The following TFDP1 variants were observed in gnomAD, a reference collection of about 807,000 sequenced individuals.
TFDP1 encodes the protein transcription factor Dp-1.
Under a neutral mutation model 48.0 loss-of-function variants are expected in TFDP1, and 6 were observed. The ratio of observed to expected loss-of-function variants is 0.13; its 90% CI spans 0.07 to 0.25. The LOEUF is 0.25. TFDP1 is among the 10% of genes least tolerant of loss of function. TFDP1 has a pLI of 1.00. For missense variants in TFDP1, 335 were observed against 543.0 expected (o/e 0.62, Z 3.81); for synonymous variants, 201 against 211.6 (o/e 0.95, Z 0.44).
chr13:113,591,968 T>C (rs1392372321), intron 2 of TFDP1, among the ~76,000 whole-genome samples: 1 of 152,198 alleles, frequency 6.6e-6, no homozygotes, highest in Non-Finnish European at 1.5e-5. Context: ...CTTTGTACCT[T>C]TTTCCCGACT....
At chr13:113,621,850 T>C (rs990979926) in intron 3 of TFDP1, among the ~76,000 whole-genome samples, 15 of 152,222 alleles carry the variant, frequency 9.9e-5, no homozygotes, top group African/African-American at 3.6e-4. Context: ...TGAGTCAGGC[T>C]CGCCTGCAGT....
At chr13:113,611,928 C>A (rs1033358349) in intron 3 of TFDP1, among the ~76,000 whole-genome samples, 1 of 152,124 alleles carries the variant, frequency 6.6e-6, no homozygotes, top group Non-Finnish European at 1.5e-5. Flanking sequence ...TCCACGTGGT[C>A]GCATCAGCCC....
At position 113,636,583 on chromosome 13, in the gene TFDP1, A is replaced by T. The variant is rs759767245; in HGVS notation, c.889A>T (p.Ile297Leu). 6.2e-7 allele frequency: 1 copy of T among 1,614,210 alleles called. No homozygotes were observed. The highest frequency in any genetic ancestry group is 8.5e-7 in the Non-Finnish European group (1 of 1,180,042). Reference sequence around the variant, plus strand: ...CAACACATTTGAAATCCACGATGACATAGAAGTGCTGAAGCGGATGGGCAT... The same window carrying T: ...CAACACATTTGAAATCCACGATGACTTAGAAGTGCTGAAGCGGATGGGCAT... ...FDNTFEIHDD[I>L]EVLKRMGMAC... Residue 297 changes from isoleucine (I) to leucine (L), a missense_variant, in exon 10 of 12, where the codon ATA becomes TTA. Transcript: ENST00000375370.
In TFDP1 at chr13:113,599,613, C is replaced by G. The variant is rs558698982; in HGVS notation, c.13-11383C>G. Among the ~76,000 whole-genome samples the G allele has an allele frequency of 5.3e-5, 8 of 152,242 alleles. No homozygotes were observed. In the East Asian group the frequency reaches 1.2e-3, roughly 22 times the overall value. ...GAGTGAGGGCACGCGGGTGTAGTCC[C>G]CCCTGCCCTGTTGGATCAGTGTCCT... On this transcript the variant is annotated intron_variant, in intron 2 of 11. Transcript: ENST00000375370.
At position 113,623,890 on chromosome 13, in the gene TFDP1, C is replaced by T. The variant is rs535099061; in HGVS notation, c.186+604C>T. The stretch of plus-strand genomic sequence containing the variant: ...CCTGTCTCGTGTCCGCCCTCTGCGT[C>T]CTTGCCGGTGGCAGCCTACTGGAGA... On this transcript the variant is annotated intron_variant, in intron 4 of 11. Coordinates refer to ENST00000375370, the MANE Select transcript of TFDP1 (RefSeq NM_007111.5). The surrounding 1 kb of genome is among the most constrained non-coding windows in gnomAD (Gnocchi z 5.2). Among the ~76,000 whole-genome samples, 10 of 152,330 alleles carry T rather than the reference C, an allele frequency of 6.6e-5. No individual in the cohort carries two copies. Among genetic ancestry groups the T allele is most frequent in the Admixed American group, 6.5e-4 (10 of 15,304 alleles).
rs1460037484 is a variant in TFDP1 at position 113,636,588 on chromosome 13, A to C, written c.894A>C (p.Glu298Asp). 6.2e-7 allele frequency: 1 copy of C among 1,614,108 alleles called. No homozygotes were observed. ...DNTFEIHDDI[E>D]VLKRMGMACG... ...CATTTGAAATCCACGATGACATAGA[A>C]GTGCTGAAGCGGATGGGCATGGCTT... The change falls in exon 10 of 12, where the codon GAA becomes GAC. Residue 298 changes from glutamate (E) to aspartate (D), a missense_variant. Physicochemically the swap from Glu to Asp is conservative, Grantham distance 45. Around this residue, in one of 3 missense-constraint regions of TFDP1, gnomAD observed 204 missense variants for 287.1 expected, o/e 0.71. Transcript: ENST00000375370.
Position 113,636,041 on chromosome 13 carries a change from C to T in TFDP1, c.752C>T (p.Pro251Leu), listed in dbSNP as rs748741050. The T allele has an allele frequency of 1.7e-5, 28 of 1,614,216 alleles. No homozygotes were observed. In the Middle Eastern group the frequency reaches 4.9e-4, roughly 29 times the overall value. ...RHAEQQASRP[P>L]PPNSVIHLPF... ...GCGGAGCAGCAGGCCAGCCGGCCAC[C>T]GCCACCCAACTCAGTCATCCACCTG... is the stretch of plus-strand genomic sequence containing the variant. Residue 251 changes from proline to leucine, a missense_variant, in exon 9 of 12, where the codon CCG becomes CTG. This residue lies in a region of TFDP1 where 204 missense variants were observed against 287.1 expected (regional missense o/e 0.71). Transcript: ENST00000375370.
chr13:113,625,859 G>A (rs371596505), intron 4 of TFDP1, among the ~76,000 whole-genome samples: 7 of 131,968 alleles, frequency 5.3e-5, no homozygotes, highest in East Asian at 2.6e-4. Context: ...TGTCTCTCAC[G>A]CGTCCTCAGG....
chr13:113,638,349 G>A (rs1481306338), intron 11 of TFDP1, among the ~76,000 whole-genome samples: 1 of 151,238 alleles, frequency 6.6e-6, no homozygotes, highest in Non-Finnish European at 1.5e-5. Flanking sequence ...ACGCATCTGC[G>A]GTCATGGTGC....
chr13:113,586,641 C>T (rs895457937), intron 2 of TFDP1, among the ~76,000 whole-genome samples: 3 of 152,200 alleles, frequency 2.0e-5, no homozygotes, highest in Non-Finnish European at 4.4e-5. Context: ...CACATGCTGC[C>T]TCTGCCTGAG....
intron 2 of TFDP1, among the ~76,000 whole-genome samples, chr13:113,602,451 G>A (rs2048460825): frequency 6.6e-6 from 1 of 151,232 alleles, no homozygotes; most frequent in African/African-American, 2.4e-5. Context: ...TAGCAGGCGG[G>A]GCCCATCCCA....
At chr13:113,638,246 G>T (rs143805038) in intron 11 of TFDP1, among the ~76,000 whole-genome samples, 1 of 151,436 alleles carries the variant, frequency 6.6e-6, no homozygotes, top group African/African-American at 2.4e-5. Flanking sequence ...ACGCGTCTGC[G>T]GTCACAGCGC....
chr13:113,623,028 G>A lies in TFDP1; in HGVS notation c.80-152G>A. The A allele has an allele frequency of 2.9e-6, 2 of 689,084 alleles. No individual in the cohort carries two copies. Among genetic ancestry groups the A allele is most frequent in the Non-Finnish European group, 4.9e-6 (2 of 408,442 alleles). 42.7% of individuals were successfully genotyped at this position (689,084 alleles called of 1,614,324 possible). Reference sequence around the variant, plus strand: ...TACATTGGGAATCAAGCTTCATGGAGGTGTTGCTCTTGAGCCCTGGATTTG... The same window carrying A: ...TACATTGGGAATCAAGCTTCATGGAAGTGTTGCTCTTGAGCCCTGGATTTG... On this transcript the variant is annotated intron_variant, in intron 3 of 11. Coordinates refer to ENST00000375370, the MANE Select transcript of TFDP1 (RefSeq NM_007111.5). This position sits in a 1 kb window ranked among gnomAD's most constrained non-coding sequence, Gnocchi z 5.2.
At chr13:113,622,662 G>A (rs1282368853) in intron 3 of TFDP1, among the ~76,000 whole-genome samples, 1 of 152,146 alleles carries the variant, frequency 6.6e-6, no homozygotes, top group Admixed American at 6.5e-5. Context: ...GGGGTCTCCC[G>A]CTTGCTTCAC....
rs2048345205 is a variant in TFDP1 at position 113,598,855 on chromosome 13, C to G, written c.13-12141C>G. 6.6e-6 allele frequency among the ~76,000 whole-genome samples: 1 copy of G among 152,240 alleles called. No homozygotes were observed. Among genetic ancestry groups the G allele is most frequent in the South Asian group, 2.1e-4 (1 of 4,834 alleles). On this transcript the variant is annotated intron_variant, in intron 2 of 11. Coordinates refer to ENST00000375370, the MANE Select transcript of TFDP1 (RefSeq NM_007111.5). The surrounding 1 kb of genome is among the most constrained non-coding windows in gnomAD (Gnocchi z 4.2). ...TGTTGGGCACCACCCTCGCCTGCAG[C>G]TCATCACCTCTGGATGGATCTTGTT...
At position 113,593,648 on chromosome 13, in the gene TFDP1, C is replaced by G. The variant is rs371318005; in HGVS notation, c.12+7799C>G. On this transcript the variant is annotated intron_variant, in intron 2 of 11. Transcript: ENST00000375370. The stretch of plus-strand genomic sequence containing the variant: ...GTGCTGTGTGCAGGTCCTCACCCAC[C>G]CAGGTGACAGGTGTGGTGTACACGG... Among the ~76,000 whole-genome samples, 32 of 135,512 alleles carry G rather than the reference C, an allele frequency of 2.4e-4. No individual in the cohort carries two copies. In the East Asian group the frequency reaches 4.8e-3, roughly 21 times the overall value. 88.9% of individuals were successfully genotyped at this position (135,512 alleles called of 152,430 possible).
At position 113,633,339 on chromosome 13, in the gene TFDP1, T is replaced by TA; in HGVS notation, c.474+55dup. 1 of 1,202,214 alleles carries TA rather than the reference T, an allele frequency of 8.3e-7. No individual in the cohort carries two copies. The highest frequency in any genetic ancestry group is 1.3e-5 in the South Asian group (1 of 77,638). The allele number at this position is 1,202,214 out of a possible 1,614,324, so 74.5% of individuals were successfully genotyped here. ...GGGGTGGCGGAGCCCAGCGGTGTGGTACGTTTCGCTCTTTTAATATCGGGA... is the reference window on the plus strand; with the variant it reads ...GGGGTGGCGGAGCCCAGCGGTGTGGTAACGTTTCGCTCTTTTAATATCGGGA... On this transcript the variant is annotated intron_variant, in intron 6 of 11. Transcript: ENST00000375370. This position sits in a 1 kb window ranked among gnomAD's most constrained non-coding sequence, Gnocchi z 4.5.
At chr13:113,638,285 T>TAA (rs2049550070) in intron 11 of TFDP1, among the ~76,000 whole-genome samples, 2 of 147,958 alleles carry the variant, frequency 1.4e-5, no homozygotes, top group African/African-American at 2.5e-5. Context: ...GTCTGCGGTC[T>TAA]GGGCGCAAGT....
At position 113,636,079 on chromosome 13, in the gene TFDP1, G is replaced by A. The variant is rs571820111; in HGVS notation, c.790G>A (p.Val264Ile). The A allele has an allele frequency of 1.9e-5, 31 of 1,614,204 alleles. No individual in the cohort carries two copies. The Middle Eastern group carries it at 4.9e-4, about 26-fold the overall frequency. Reference protein sequence around the residue: ...NSVIHLPFIIVNTSKKTVIDC... With the variant: ...NSVIHLPFIIINTSKKTVIDC... ...AGTCATCCACCTGCCCTTCATCATC[G>A]TCAACACCAGCAAGAAGACGGTCAT... The change falls in exon 9 of 12, where the codon GTC becomes ATC. Residue 264 changes from valine to isoleucine, a missense_variant. By Grantham distance (29) the Val-to-Ile change is conservative. Coordinates refer to ENST00000375370, the MANE Select transcript of TFDP1 (RefSeq NM_007111.5).
Sources: allele counts gnomAD v4.1 joint callset (sites outside exome capture counted in the v4.1 genomes callset), GRCh38; gene constraint gnomAD v4.1.1; regional missense constraint gnomAD v4.1.1; non-coding constraint Gnocchi (gnomAD v3.1); transcripts MANE v1.5; gene names NCBI Gene and HGNC (gene_info 2026-07-23, HGNC 2026-07-21).